The following MPP7 variants were observed in gnomAD, a reference collection of about 807,000 sequenced individuals.
MPP7 encodes MAGUK p55 scaffold protein 7.
A neutral mutation model predicts 76.5 loss-of-function variants in MPP7; 60 were observed. That is an observed-to-expected ratio of 0.78 (90% CI 0.64 to 0.97). MPP7 has a LOEUF of 0.97. Ranked by LOEUF, MPP7 falls within the 50% of genes least tolerant of loss-of-function variation. The pLI is 0.00. For missense variants in MPP7, 641 were observed against 694.0 expected (o/e 0.92, Z 0.86); for synonymous variants, 237 against 244.5 (o/e 0.97, Z 0.29).
upstream of MPP7, chr10:28,303,303 C>G (rs1841213166): frequency 6.6e-6 from 1 of 152,364 alleles, no homozygotes; most frequent in Admixed American, 6.5e-5. Flanking sequence ...TCCACCCCTG[C>G]CCGCCCGGTT....
chr10:28,245,655 T>A (rs1044295058), intron 1 of MPP7, among the ~76,000 whole-genome samples: 2 of 145,598 alleles, frequency 1.4e-5, no homozygotes, highest in African/African-American at 4.9e-5. Flanking sequence ...TGGCCGCTTT[T>A]ATCACATTTT....
rs1260415613 is a variant in MPP7, at chr10:28,052,309, G to C, written c.*1756C>G. The C allele has an allele frequency of 6.6e-6, 1 of 152,094 alleles. No homozygotes were observed. Among genetic ancestry groups the C allele is most frequent in the Non-Finnish European group, 1.5e-5 (1 of 67,978 alleles). 9.4% of individuals were successfully genotyped at this position (152,094 alleles called of 1,614,324 possible). On this transcript the variant is annotated 3_prime_UTR_variant, in exon 17 of 17. Transcript: ENST00000683449. ...ACAATCTACTTAAGACTTCAGGTTG[G>C]CAACCCTCCCTCTTTCATTTTTTAA... is the stretch of plus-strand genomic sequence containing the variant.
At chr10:28,305,374 A>G (rs767977303), upstream of MPP7, 2 of 152,022 alleles carry the variant, frequency 1.3e-5, no homozygotes, top group Non-Finnish European at 2.9e-5. Context: ...GAGTAAAATC[A>G]TTATTTTTTT....
At chr10:28,087,043 G>A (rs1564623570) in intron 12 of MPP7, among the ~76,000 whole-genome samples, 1 of 152,140 alleles carries the variant, frequency 6.6e-6, no homozygotes, top group Non-Finnish European at 1.5e-5. Flanking sequence ...TTGGAAGTGG[G>A]GCCCAAGGAG....
intron 1 of MPP7, among the ~76,000 whole-genome samples, chr10:28,283,535 GAC>G (rs1840728441): frequency 2.0e-5 from 3 of 151,944 alleles, no homozygotes; most frequent in Non-Finnish European, 4.4e-5. Flanking sequence ...TTTTTTGTGA[GAC>G]AGAGTCTCAC....
chr10:28,241,121 TATA>T (rs1839254613), intron 1 of MPP7, among the ~76,000 whole-genome samples: 1 of 152,126 alleles, frequency 6.6e-6, no homozygotes, highest in Non-Finnish European at 1.5e-5. Flanking sequence ...ATACACACCA[TATA>T]ATAAGACAAC....
chr10:28,276,338 A>G (rs528468853), intron 1 of MPP7, among the ~76,000 whole-genome samples: 13 of 152,166 alleles, frequency 8.5e-5, no homozygotes, highest in African/African-American at 2.7e-4. Context: ...GCCTTGTCAC[A>G]TGCTTTTTAC....
upstream of MPP7, among the ~76,000 whole-genome samples, chr10:28,306,668 T>TAGATAGAGAGAGAGAGAG (rs113787029): frequency 9.4e-5 from 14 of 148,508 alleles, no homozygotes; most frequent in African/African-American, 3.0e-4. Flanking sequence ...GATAGATAGA[T>TAGATAGAGAGAGAGAGAG]AGAGAGAGAG....
At chr10:28,156,243 G>T (rs928405436) in intron 3 of MPP7, among the ~76,000 whole-genome samples, 2 of 152,050 alleles carry the variant, frequency 1.3e-5, no homozygotes, top group African/African-American at 4.8e-5. Context: ...TATTAACTAG[G>T]GTTACTGTGA....
chr10:28,173,947 A>G (rs1836772504), intron 3 of MPP7, among the ~76,000 whole-genome samples: 1 of 152,180 alleles, frequency 6.6e-6, no homozygotes, highest in Admixed American at 6.5e-5. Context: ...CAAATAAGAC[A>G]CTGTGGTACT....
At chr10:28,301,706 T>C (rs1444795746) in intron 1 of MPP7, among the ~76,000 whole-genome samples, 1 of 152,152 alleles carries the variant, frequency 6.6e-6, no homozygotes. Context: ...ACAGCCTGCC[T>C]CAGAAGAGTA....
At chr10:28,253,044 A>T (rs1839666421) in intron 1 of MPP7, among the ~76,000 whole-genome samples, 1 of 152,026 alleles carries the variant, frequency 6.6e-6, no homozygotes, top group African/African-American at 2.4e-5. Context: ...AGCAGCTGGG[A>T]CTATGAGCAC....
chr10:28,221,668 G>A (rs975499446), intron 2 of MPP7, among the ~76,000 whole-genome samples: 3 of 152,104 alleles, frequency 2.0e-5, no homozygotes, highest in East Asian at 1.9e-4. Context: ...TTCAAGATAC[G>A]TACGGAGGTG....
At chr10:28,300,224 T>C (rs1193123986) in intron 1 of MPP7, among the ~76,000 whole-genome samples, 2 of 151,844 alleles carry the variant, frequency 1.3e-5, no homozygotes, top group Non-Finnish European at 2.9e-5. Flanking sequence ...CAGTGCACCA[T>C]CTAGTGGAAG....
At chr10:28,297,898 T>A (rs540371688) in intron 1 of MPP7, among the ~76,000 whole-genome samples, 16 of 152,368 alleles carry the variant, frequency 1.1e-4, no homozygotes, top group African/African-American at 3.8e-4. Flanking sequence ...GCTCACAGCA[T>A]CTTCACCAAG....
chr10:28,106,912 A>T (rs925733936), intron 11 of MPP7, among the ~76,000 whole-genome samples: 18 of 152,228 alleles, frequency 1.2e-4, no homozygotes, highest in African/African-American at 4.3e-4. Context: ...CCTTTTGCAC[A>T]TCAATGTATA....
At chr10:28,296,238 C>T (rs1378052205) in intron 1 of MPP7, among the ~76,000 whole-genome samples, 1 of 152,114 alleles carries the variant, frequency 6.6e-6, no homozygotes, top group Non-Finnish European at 1.5e-5. Flanking sequence ...CCCACGCTCT[C>T]CTAAGGGCTG....
intron 11 of MPP7, among the ~76,000 whole-genome samples, chr10:28,094,494 C>T (rs1297835735): frequency 6.6e-6 from 1 of 152,110 alleles, no homozygotes; most frequent in Non-Finnish European, 1.5e-5. Flanking sequence ...GTAAAGCTTT[C>T]GGTCCCATCT....
At chr10:28,282,958 T>C (rs1840714028) in intron 1 of MPP7, among the ~76,000 whole-genome samples, 1 of 151,966 alleles carries the variant, frequency 6.6e-6, no homozygotes, top group Non-Finnish European at 1.5e-5. Context: ...AAAGATACCT[T>C]TTTCTGGTGT....
Sources: gnomAD v4.1 joint callset for allele counts (sites outside exome capture counted in the v4.1 genomes callset) on GRCh38, gnomAD v4.1.1 for gene constraint, MANE v1.5 for transcripts, NCBI Gene and HGNC (gene_info 2026-07-23, HGNC 2026-07-21) for gene names.